Variants in SLC28A1 observed in about 807,000 individuals in gnomAD.
The protein encoded by SLC28A1 is sodium/nucleoside cotransporter 1.
In SLC28A1, 64 loss-of-function variants were observed where a neutral mutation model predicts 74.8. That is an observed-to-expected ratio of 0.86 (90% confidence interval 0.70 to 1.05). SLC28A1 has a LOEUF of 1.05. SLC28A1 is among the 50% of genes least tolerant of loss of function. The probability of loss-of-function intolerance (pLI) is 0.00; values close to 1 mark genes in which losing one functional copy is unlikely to be tolerated. For synonymous variants in SLC28A1, 359 were observed against 335.0 expected (o/e 1.07, Z -0.78); for missense variants, 828 against 822.8 (o/e 1.01, Z -0.08).
intron 15 of SLC28A1, among the ~76,000 whole-genome samples, chr15:84,939,011 A>G (rs755825421): frequency 9.9e-5 from 15 of 152,174 alleles, no homozygotes; most frequent in Non-Finnish European, 2.1e-4. Context: ...AAGATTTGAC[A>G]TTTTGAATTT....
At chr15:84,889,984 C>T (rs543958451) in intron 4 of SLC28A1, among the ~76,000 whole-genome samples, 11 of 151,412 alleles carry the variant, frequency 7.3e-5, no homozygotes, top group South Asian at 2.1e-4. Flanking sequence ...TACAGGCGCA[C>T]GCCACCATGC....
chr15:84,960,665 C>G, the SLC28A1 span, among the ~76,000 whole-genome samples: 1 of 152,242 alleles, frequency 6.6e-6, no homozygotes, highest in Non-Finnish European at 1.5e-5. Flanking sequence ...GCCTGGGGCT[C>G]TAGGCTTTCA....
chr15:84,886,880 C>T (rs1567108355), intron 2 of SLC28A1, 93 bp downstream of exon 2: 4 of 608,556 alleles, frequency 6.6e-6, no homozygotes, highest in Non-Finnish European at 8.2e-6. Context: ...TGTGTGCACG[C>T]ACATGCACGG....
Position 84,890,411 on chromosome 15 carries a change from G to T in SLC28A1, c.186-32G>T, listed in dbSNP as rs768938929. 2.0e-6 allele frequency: 3 copies of T among 1,526,010 alleles called. No homozygotes were observed. The Admixed American group carries it at 5.2e-5, about 27-fold the overall frequency. The allele number at this position is 1,526,010 out of a possible 1,614,324, so 94.5% of individuals were successfully genotyped here. On this transcript the variant is annotated intron_variant, in intron 4 of 18. Transcript: ENST00000394573. ...TCTCCCCCAGATGGGGTCTGCTCAT[G>T]CACTCATGGACCCTGCTGGTCTTGT...
In SLC28A1 at chr15:84,933,237, C is replaced by A. The variant is rs778474502; in HGVS notation, c.1176C>A (p.Ser392=). The change falls in exon 13 of 19, where the codon TCC becomes TCA. Residue 392 remains serine, a synonymous_variant. Coordinates refer to ENST00000394573, the MANE Select transcript of SLC28A1 (RefSeq NM_004213.5). ...SKLVYPEVEE[S]KFRREEGVKL... is the part of the protein sequence containing the mutation. ...TGGTCTACCCGGAGGTGGAGGAGTC[C>A]AAGTTTAGGAGGGAGGAAGGAGTGA... 3.1e-6 allele frequency: 5 copies of A among 1,613,616 alleles called. No homozygotes were observed. Among genetic ancestry groups the A allele is most frequent in the Non-Finnish European group, 4.2e-6 (5 of 1,179,802 alleles).
intron 12 of SLC28A1, chr15:84,926,687 T>C (rs1407120598): frequency 1.1e-5 from 4 of 355,612 alleles, no homozygotes; most frequent in Non-Finnish European, 2.2e-5. Context: ...GGTGGTAGCA[T>C]TCAGCATGAG....
chr15:84,952,703 TG>T, the SLC28A1 span, among the ~76,000 whole-genome samples: 2 of 152,080 alleles, frequency 1.3e-5, no homozygotes, highest in African/African-American at 4.8e-5. Flanking sequence ...CTGGGCAACA[TG>T]GTGAAACCAA....
rs542771205 is a variant in SLC28A1 at position 84,908,117 on chromosome 15, G to A, written c.718-601G>A. Among the ~76,000 whole-genome samples the A allele has an allele frequency of 2.0e-5, 3 of 150,222 alleles. No individual in the cohort carries two copies. The East Asian group carries it at 5.9e-4, about 30-fold the overall frequency. On this transcript the variant is annotated intron_variant, in intron 8 of 18. Coordinates refer to ENST00000394573, the MANE Select transcript of SLC28A1 (RefSeq NM_004213.5). ...ACAAGAGGCACTGCCTTCTTCACAT[G>A]TCTCATGGTTACTTCTTCTGTTATC...
At chr15:84,957,457 G>A in the SLC28A1 span, among the ~76,000 whole-genome samples, 1 of 152,156 alleles carries the variant, frequency 6.6e-6, no homozygotes, top group Admixed American at 6.5e-5. Context: ...AGTAAAGACA[G>A]CATTTTGCCA....
intron 6 of SLC28A1, 63 bp downstream of exon 6, chr15:84,895,186 C>T (rs557972041): frequency 3.8e-6 from 6 of 1,599,912 alleles, no homozygotes; most frequent in Middle Eastern, 2.0e-4. Flanking sequence ...GGGTTGGCTC[C>T]AGGGTTATGG....
At chr15:84,896,120 C>T (rs529199924) in intron 6 of SLC28A1, 10 of 239,626 alleles carry the variant, frequency 4.2e-5, no homozygotes, top group Middle Eastern at 2.2e-3. Context: ...TTAAAAAATG[C>T]ATGCAGATAA....
In SLC28A1 at chr15:84,910,391, G is replaced by A. The variant is rs570267631; in HGVS notation, c.795+1596G>A. 4.1e-4 allele frequency among the ~76,000 whole-genome samples: 63 copies of A among 152,284 alleles called. 2 individuals carry two copies. Among genetic ancestry groups the A allele is most frequent in the South Asian group, 2.3e-3 (11 of 4,826 alleles). ...GGTCTGCTTCAGGGTGACCTCTGGC[G>A]TCCACCCAGGCAGGGAGGCTCCCGC... is the stretch of plus-strand genomic sequence containing the variant. On this transcript the variant is annotated intron_variant, in intron 9 of 18. Transcript: ENST00000394573.
chr15:84,924,892 T>C (rs1280304453), intron 12 of SLC28A1, among the ~76,000 whole-genome samples: 2 of 150,356 alleles, frequency 1.3e-5, no homozygotes, highest in African/African-American at 2.5e-5. Context: ...TTTTATTTTT[T>C]ATTAATTTTT....
chr15:84,906,579 TTCCTTCCTTCCTTC>T (rs1967261779), intron 8 of SLC28A1, among the ~76,000 whole-genome samples: 8 of 49,054 alleles, frequency 1.6e-4, no homozygotes, highest in Admixed American at 1.1e-3. Context: ...TCTTTCTTCC[TTCCTTCCTTCCTTC>T]CTTCCTTCCT....
At position 84,905,462 on chromosome 15, in the gene SLC28A1, CCTGCT is replaced by C. The variant is rs1410132675; in HGVS notation, c.604-74_604-70del. 3 of 1,012,318 alleles carry C rather than the reference CCTGCT, an allele frequency of 3.0e-6. No individual in the cohort carries two copies. The Admixed American group carries it at 5.2e-5, about 18-fold the overall frequency. The allele number at this position is 1,012,318 out of a possible 1,614,324, so 62.7% of individuals were successfully genotyped here. On this transcript the variant is annotated intron_variant, in intron 7 of 18. Transcript: ENST00000394573. ...CCATCCTCTGGGCAGGGCAATGCCC[CCTGCT>C]CTCACCCCCACCCGGCTCCCTGCCC... is the stretch of plus-strand genomic sequence containing the variant.
chr15:84,938,753 GA>G lies in SLC28A1; in HGVS notation c.1581+3246del, dbSNP rs58569171. Among the ~76,000 whole-genome samples, 380 of 145,778 alleles carry G rather than the reference GA, an allele frequency of 2.6e-3. No individual in the cohort carries two copies. In the Middle Eastern group the frequency reaches 0.032, roughly 12 times the overall value. On this transcript the variant is annotated intron_variant, in intron 15 of 18. Transcript: ENST00000394573. Reference sequence around the variant, plus strand: ...GTAAGTTCTATGAAGAAAACAACAAGAAAAAAAAAAACAGGGCAGGGTCTTC... The same window carrying G: ...GTAAGTTCTATGAAGAAAACAACAAGAAAAAAAAAACAGGGCAGGGTCTTC...
intron 9 of SLC28A1, among the ~76,000 whole-genome samples, chr15:84,910,013 C>T (rs1325305432): frequency 6.6e-6 from 1 of 152,246 alleles, no homozygotes. Context: ...TGAGTTCAGA[C>T]CCTCCTGCCT....
the SLC28A1 span, chr15:84,975,619 G>A: frequency 2.2e-6 from 1 of 451,310 alleles, no homozygotes; most frequent in Middle Eastern, 3.3e-4. Flanking sequence ...TATTAAAGAA[G>A]CATCCTTATA....
intron 15 of SLC28A1, among the ~76,000 whole-genome samples, chr15:84,938,769 G>C (rs1972283046): frequency 6.6e-6 from 1 of 152,138 alleles, no homozygotes; most frequent in African/African-American, 2.4e-5. Flanking sequence ...AAAAAACAGG[G>C]CAGGGTCTTC....
Sources: allele counts gnomAD v4.1 joint callset (sites outside exome capture counted in the v4.1 genomes callset), GRCh38; gene constraint gnomAD v4.1.1; transcripts MANE v1.5; gene names NCBI Gene and HGNC (gene_info 2026-07-23, HGNC 2026-07-21).